The following SLC24A2 variants were observed in gnomAD, a reference collection of about 807,000 sequenced individuals.
The protein encoded by SLC24A2 is solute carrier family 24 member 2.
SLC24A2 carries 36 observed loss-of-function variants against 62.0 expected under a neutral mutation model. The observed-to-expected ratio is 0.58, with a 90% confidence interval of 0.44 to 0.77. The LOEUF is 0.77. SLC24A2 is among the 30% of genes least tolerant of loss of function. SLC24A2 has a pLI of 0.00. For synonymous variants in SLC24A2, 358 were observed against 294.0 expected (o/e 1.22, Z -2.23); for missense variants, 846 against 817.9 (o/e 1.03, Z -0.42).
the SLC24A2 span, among the ~76,000 whole-genome samples, chr9:20,041,230 C>G: frequency 6.6e-6 from 1 of 152,178 alleles, no homozygotes. Context: ...TTTCTTCTTT[C>G]ATATACAAAG....
At chr9:19,890,511 C>G in the SLC24A2 span, among the ~76,000 whole-genome samples, 1 of 152,088 alleles carries the variant, frequency 6.6e-6, no homozygotes, top group African/African-American at 2.4e-5. Context: ...TACAAGGTCT[C>G]TGGTTTTGTG....
the SLC24A2 span, among the ~76,000 whole-genome samples, chr9:20,124,443 T>G: frequency 6.6e-5 from 10 of 152,324 alleles, 1 homozygote; most frequent in East Asian, 1.9e-3. Flanking sequence ...TATAAAAATT[T>G]TGAATACAGG....
At chr9:19,709,208 C>A (rs1392690524) in intron 2 of SLC24A2, among the ~76,000 whole-genome samples, 3 of 151,750 alleles carry the variant, frequency 2.0e-5, no homozygotes, top group East Asian at 3.9e-4. Flanking sequence ...CAATGAGATA[C>A]CATCTCACAC....
the SLC24A2 span, among the ~76,000 whole-genome samples, chr9:20,231,120 T>A: frequency 6.6e-6 from 1 of 152,210 alleles, no homozygotes; most frequent in Non-Finnish European, 1.5e-5. Context: ...AGTACCATGT[T>A]GTTTTGGTTA....
the SLC24A2 span, among the ~76,000 whole-genome samples, chr9:20,002,040 T>C: frequency 6.6e-6 from 1 of 152,174 alleles, no homozygotes; most frequent in Non-Finnish European, 1.5e-5. Context: ...TTTGAGGCAG[T>C]CCTCAGGGCT....
At chr9:20,136,446 A>C in the SLC24A2 span, among the ~76,000 whole-genome samples, 1 of 152,162 alleles carries the variant, frequency 6.6e-6, no homozygotes, top group African/African-American at 2.4e-5. Flanking sequence ...CAACCCAAAA[A>C]AATCATTCCA....
chr9:20,061,804 C>A, the SLC24A2 span, among the ~76,000 whole-genome samples: 2 of 151,776 alleles, frequency 1.3e-5, no homozygotes, highest in African/African-American at 4.8e-5. Context: ...AAAACCAAAG[C>A]ACAAGCCATT....
the SLC24A2 span, among the ~76,000 whole-genome samples, chr9:20,185,734 G>A: frequency 2.4e-4 from 36 of 151,594 alleles, no homozygotes; most frequent in Non-Finnish European, 4.0e-4. Flanking sequence ...TACTGAAGGC[G>A]GTCCTGATAA....
At chr9:20,064,502 A>T in the SLC24A2 span, among the ~76,000 whole-genome samples, 6 of 152,152 alleles carry the variant, frequency 3.9e-5, no homozygotes, top group African/African-American at 1.4e-4. Context: ...TTTTGTTTAA[A>T]TTTTTAAGGG....
the SLC24A2 span, among the ~76,000 whole-genome samples, chr9:19,812,004 G>A: frequency 6.6e-6 from 1 of 151,870 alleles, no homozygotes; most frequent in Non-Finnish European, 1.5e-5. Context: ...TCTTTATTTT[G>A]CTTTCATTTT....
intron 2 of SLC24A2, among the ~76,000 whole-genome samples, chr9:19,639,343 T>A (rs1484746417): frequency 6.6e-6 from 1 of 152,226 alleles, no homozygotes; most frequent in Non-Finnish European, 1.5e-5. Flanking sequence ...AAAGTTTGTT[T>A]TCCTTCCCCT....
chr9:20,238,611 C>G, the SLC24A2 span, among the ~76,000 whole-genome samples: 4 of 152,152 alleles, frequency 2.6e-5, no homozygotes, highest in African/African-American at 7.2e-5. Flanking sequence ...TGGAAGTTCC[C>G]AGTCAATCCC....
the SLC24A2 span, among the ~76,000 whole-genome samples, chr9:20,115,637 T>C: frequency 6.6e-6 from 1 of 152,146 alleles, no homozygotes; most frequent in African/African-American, 2.4e-5. Context: ...TGTGCTTCCT[T>C]TGAAGGCTTG....
chr9:19,897,648 T>C, the SLC24A2 span, among the ~76,000 whole-genome samples: 2 of 152,234 alleles, frequency 1.3e-5, no homozygotes, highest in African/African-American at 2.4e-5. Flanking sequence ...AGAAAGGTTC[T>C]AATATTCGGG....
At chr9:19,907,491 A>G in the SLC24A2 span, among the ~76,000 whole-genome samples, 1 of 152,186 alleles carries the variant, frequency 6.6e-6, no homozygotes, top group Non-Finnish European at 1.5e-5. Context: ...ATCAGGCAGG[A>G]GAAGGAAATA....
intron 10 of SLC24A2, among the ~76,000 whole-genome samples, chr9:19,518,337 T>A (rs1833033385): frequency 1.3e-5 from 2 of 152,116 alleles, no homozygotes; most frequent in South Asian, 4.1e-4. Flanking sequence ...GTAATTTCAA[T>A]CATGTGAAAT....
chr9:20,115,054 A>C, the SLC24A2 span, among the ~76,000 whole-genome samples: 1 of 152,146 alleles, frequency 6.6e-6, no homozygotes, highest in African/African-American at 2.4e-5. Context: ...GAAATTTTAG[A>C]GGAAGAATCA....
At chr9:19,799,453 A>G in the SLC24A2 span, among the ~76,000 whole-genome samples, 1 of 152,158 alleles carries the variant, frequency 6.6e-6, no homozygotes, top group Non-Finnish European at 1.5e-5. Flanking sequence ...TTACTCACTC[A>G]TCTTTTACTG....
chr9:19,794,530 A>G, the SLC24A2 span, among the ~76,000 whole-genome samples: 9,600 of 151,652 alleles, frequency 0.063, 375 homozygotes, highest in African/African-American at 0.12. Flanking sequence ...CCCCTGTGAC[A>G]TGCAATTACC....
Sources: allele counts gnomAD v4.1 joint callset (sites outside exome capture counted in the v4.1 genomes callset), GRCh38; gene constraint gnomAD v4.1.1; transcripts MANE v1.5; gene names NCBI Gene and HGNC (gene_info 2026-07-23, HGNC 2026-07-21).